SEL1L3: variants seen among roughly 807,000 people sequenced by gnomAD.
SEL1L3 encodes the protein SEL1L family member 3, also known as protein sel-1 homolog 3.
In SEL1L3, 76 loss-of-function variants were observed where a neutral mutation model predicts 142.8. That is an observed-to-expected ratio of 0.53 (90% CI 0.44 to 0.64). SEL1L3 has a LOEUF of 0.64. Ranked by LOEUF, SEL1L3 falls within the 30% of genes least tolerant of loss-of-function variation. SEL1L3 has a pLI of 0.00. For missense variants in SEL1L3, 1,262 were observed against 1,381.7 expected (o/e 0.91, Z 1.37); for synonymous variants, 504 against 519.6 (o/e 0.97, Z 0.41).
chr4:25,822,613 A>G lies in SEL1L3; in HGVS notation c.1158-485T>C, dbSNP rs1714833476. ...TAGAAGGTGGCTGTGGGGGAAAGCC[A>G]AAAGCGTAGACTATTAGATAAGGAC... On this transcript the variant is annotated intron_variant, in intron 6 of 23. Coordinates refer to ENST00000399878, the MANE Select transcript of SEL1L3 (RefSeq NM_015187.5). Among the ~76,000 whole-genome samples, 2 of 152,226 alleles carry G rather than the reference A, an allele frequency of 1.3e-5. 1 individual carries two copies. Among genetic ancestry groups the G allele is most frequent in the South Asian group, 4.1e-4 (2 of 4,838 alleles).
chr4:25,853,068 C>A (rs952806742), intron 1 of SEL1L3, among the ~76,000 whole-genome samples: 3 of 152,206 alleles, frequency 2.0e-5, no homozygotes, highest in Non-Finnish European at 4.4e-5. Flanking sequence ...ATGCTTATAA[C>A]ATTGTGGATA....
At chr4:25,862,607 G>T in intron 1 of SEL1L3, 68 bp downstream of exon 1, 3 of 889,082 alleles carry the variant, frequency 3.4e-6, no homozygotes, top group Non-Finnish European at 4.4e-6. Flanking sequence ...GGGTGTCCCC[G>T]GCCGCCCCCA....
chr4:25,841,153 C>A (rs1407716458), intron 2 of SEL1L3, among the ~76,000 whole-genome samples: 5 of 152,156 alleles, frequency 3.3e-5, no homozygotes, highest in Admixed American at 2.0e-4. Flanking sequence ...CCACCTCAGC[C>A]CCCCAAGTAG....
intron 23 of SEL1L3, among the ~76,000 whole-genome samples, chr4:25,749,656 T>C (rs6812527): frequency 0.88 from 134,399 of 152,168 alleles, 59,490 homozygotes; most frequent in East Asian, 1. Flanking sequence ...AATAAGCATG[T>C]TGTTTAAAAA....
the SEL1L3 span, among the ~76,000 whole-genome samples, chr4:25,715,382 T>C: frequency 6.6e-6 from 1 of 152,106 alleles, no homozygotes; most frequent in Non-Finnish European, 1.5e-5. Flanking sequence ...TACATTGAGA[T>C]CCCATTTTTC....
intron 6 of SEL1L3, among the ~76,000 whole-genome samples, chr4:25,822,540 T>A (rs537422182): frequency 6.6e-6 from 1 of 152,218 alleles, no homozygotes; most frequent in Non-Finnish European, 1.5e-5. Context: ...TTGGTTTTCA[T>A]TGGAAATATT....
Position 25,790,520 on chromosome 4 carries a change from T to G in SEL1L3, c.2011A>C (p.Lys671Gln). Residue 671 changes from lysine to glutamine, a missense_variant, in exon 12 of 24, where the codon AAA (lysine) becomes CAA (glutamine). Around this residue, in one of 3 missense-constraint regions of SEL1L3, gnomAD observed 435 missense variants for 559.2 expected, o/e 0.78. Coordinates refer to ENST00000399878, the MANE Select transcript of SEL1L3 (RefSeq NM_015187.5). ...KDDEILKVQTKEDGDVFMWLK... is the reference protein window; with the variant it reads ...KDDEILKVQTQEDGDVFMWLK... ...CACATAAAGACATCTCCATCTTCTT[T>G]GGTTTGTACCTTGAGTATTTCATCA... The G allele has an allele frequency of 6.2e-7, 1 of 1,613,616 alleles. No individual in the cohort carries two copies. The highest frequency in any genetic ancestry group is 1.1e-5 in the South Asian group (1 of 91,048).
chr4:25,729,363 C>T, the SEL1L3 span, among the ~76,000 whole-genome samples: 6 of 152,330 alleles, frequency 3.9e-5, no homozygotes, highest in East Asian at 1.9e-4. Flanking sequence ...TTGCTTACCA[C>T]GCATGCACGT....
In SEL1L3 at chr4:25,772,922, C is replaced by T. The variant is rs539534085; in HGVS notation, c.2669+3355G>A. On this transcript the variant is annotated intron_variant, in intron 17 of 23. Transcript: ENST00000399878. ...AAGCAATTCTCCTGCCTCAGCCTCC[C>T]GAGTAGCTGAGATTACAGGTGCATA... Among the ~76,000 whole-genome samples, 10 of 152,222 alleles carry T rather than the reference C, an allele frequency of 6.6e-5. No homozygotes were observed. In the East Asian group the frequency reaches 1.7e-3, roughly 26 times the overall value.
chr4:25,769,610 G>T (rs1719007323), intron 17 of SEL1L3, among the ~76,000 whole-genome samples: 1 of 152,218 alleles, frequency 6.6e-6, no homozygotes, highest in Admixed American at 6.5e-5. Flanking sequence ...AGGCCCAGCA[G>T]AAAGTCCCCC....
chr4:25,860,361 C>T (rs1717613908), intron 1 of SEL1L3, among the ~76,000 whole-genome samples: 1 of 152,244 alleles, frequency 6.6e-6, no homozygotes, highest in Non-Finnish European at 1.5e-5. Context: ...TGACCAACCA[C>T]TTCCTCCAGG....
rs765863658 is a variant in SEL1L3 at position 25,748,521 on chromosome 4, AGT to A, written c.3301_3302del (p.Thr1101CysfsTer17). ...PPRPSQASPD[T>X]ATSTASPAVT... ...CAGCTGGACTTGCAGTGGACGTGGC[AGT>A]GTCTGGGGAGGCCTGGGATGGTCTT... On this transcript the variant is annotated frameshift_variant, in exon 24 of 24. Transcript: ENST00000399878. LOFTEE classifies it low-confidence loss of function (END_TRUNC). 2.2e-5 allele frequency: 36 copies of A among 1,612,030 alleles called. No individual in the cohort carries two copies. In the Admixed American group the frequency reaches 4.7e-4, roughly 21 times the overall value.
rs1011395834 is a variant in SEL1L3 at position 25,765,430 on chromosome 4, A to T, written c.2851T>A (p.Leu951Met). 2 of 1,597,314 alleles carry T rather than the reference A, an allele frequency of 1.3e-6. No individual in the cohort carries two copies. The highest frequency in any genetic ancestry group is 1.7e-6 in the Non-Finnish European group (2 of 1,164,900). Residue 951 changes from leucine to methionine, a missense_variant, in exon 20 of 24, where the codon TTG becomes ATG. Leu to Met is a conservative substitution (Grantham distance 15, BLOSUM62 2). Around this residue, in one of 3 missense-constraint regions of SEL1L3, gnomAD observed 435 missense variants for 559.2 expected, o/e 0.78. Coordinates refer to ENST00000399878, the MANE Select transcript of SEL1L3 (RefSeq NM_015187.5). The stretch of plus-strand genomic sequence containing the variant: ...TAGTAGTAAAGGTCTCCCATCTTCA[A>T]ATATGCTGCAGGAAATAAAGCACAG... ...FQIDAPSFAYLKMGDLYYYGH... is the reference protein window; with the variant it reads ...FQIDAPSFAYMKMGDLYYYGH...
the SEL1L3 span, among the ~76,000 whole-genome samples, chr4:25,715,918 A>G: frequency 6.6e-6 from 1 of 152,166 alleles, no homozygotes; most frequent in Admixed American, 6.5e-5. Context: ...ACTAAAGGGA[A>G]TTGGGTGATT....
intron 7 of SEL1L3, 89 bp from the exon 8 acceptor site, chr4:25,820,029 C>T (rs751577224): frequency 6.2e-6 from 8 of 1,280,480 alleles, no homozygotes; most frequent in African/African-American, 3.0e-5. Flanking sequence ...TGACTTTGTT[C>T]TCCCATTGAC....
chr4:25,818,305 T>G (rs1295685580), intron 8 of SEL1L3, 27 bp from the exon 9 acceptor site: 39 of 1,577,312 alleles, frequency 2.5e-5, no homozygotes, highest in Non-Finnish European at 3.1e-5. Flanking sequence ...GCAGAAGATA[T>G]CACACCCTTT....
At chr4:25,824,356 C>G (rs1438729656) in intron 6 of SEL1L3, among the ~76,000 whole-genome samples, 2 of 152,202 alleles carry the variant, frequency 1.3e-5, no homozygotes, top group African/African-American at 4.8e-5. Context: ...CTTACAGCAT[C>G]CGGGATGCTC....
In SEL1L3 at chr4:25,757,439, A is replaced by T. The variant is rs1329855605; in HGVS notation, c.3259+95T>A. On this transcript the variant is annotated intron_variant, in intron 23 of 23. Coordinates refer to ENST00000399878, the MANE Select transcript of SEL1L3 (RefSeq NM_015187.5). ...GACCAACAGCACCAGGAGGGAAAAC[A>T]CAATTTTTCCAGTAGACCAAAAAAA... 70 of 982,038 alleles carry T rather than the reference A, an allele frequency of 7.1e-5. 1 individual carries two copies. Among genetic ancestry groups the T allele is most frequent in the Non-Finnish European group, 8.9e-5 (61 of 688,164 alleles). The allele number at this position is 982,038 out of a possible 1,614,324, so 60.8% of individuals were successfully genotyped here.
chr4:25,821,934 A>T (rs1361535724), intron 7 of SEL1L3, 62 bp downstream of exon 7: 2 of 1,543,570 alleles, frequency 1.3e-6, no homozygotes, highest in Non-Finnish European at 1.7e-6. Flanking sequence ...TGGGTGGCAC[A>T]CCCCTGAGGC....
Sources: gnomAD v4.1 joint callset for allele counts (sites outside exome capture counted in the v4.1 genomes callset) on GRCh38, gnomAD v4.1.1 for gene constraint, gnomAD v4.1.1 regional missense constraint, MANE v1.5 for transcripts, NCBI Gene and HGNC (gene_info 2026-07-23, HGNC 2026-07-21) for gene names.